The following RFC4 variants were observed in gnomAD, a reference collection of about 807,000 sequenced individuals.
RFC4 encodes the protein replication factor C subunit 4, also known as A1 37 kDa subunit.
A neutral mutation model predicts 47.6 loss-of-function variants in RFC4; 38 were observed. The ratio of observed to expected loss-of-function variants is 0.80; its 90% confidence interval spans 0.62 to 1.05. RFC4 has a LOEUF of 1.05. Among genes scored for constraint, RFC4 ranks in the 50% least tolerant of loss-of-function variants. The pLI, the probability that RFC4 is intolerant of heterozygous loss-of-function variation, is 0.00. For missense variants in RFC4, 489 were observed against 434.0 expected (o/e 1.13, Z -1.13); for synonymous variants, 164 against 150.0 (o/e 1.09, Z -0.68).
intron 8 of RFC4, among the ~76,000 whole-genome samples, chr3:186,790,749 T>G (rs1722097156): frequency 6.6e-6 from 1 of 152,232 alleles, no homozygotes; most frequent in Non-Finnish European, 1.5e-5. Flanking sequence ...TCAAAAAGAC[T>G]GATTTCTTTA....
intron 8 of RFC4, 74 bp from the exon 9 acceptor site, chr3:186,790,480 G>T: frequency 9.8e-7 from 1 of 1,022,250 alleles, no homozygotes; most frequent in Non-Finnish European, 1.6e-6. Context: ...ACTGGCCCCC[G>T]TGCCCCCAGT....
chr3:186,804,333 C>T (rs1722428171), intron 2 of RFC4, among the ~76,000 whole-genome samples: 1 of 152,034 alleles, frequency 6.6e-6, no homozygotes, highest in African/African-American at 2.4e-5. Context: ...TGTATCCCAG[C>T]CCCTAAAATG....
At chr3:186,792,350 T>G in intron 7 of RFC4, 140 bp downstream of exon 7, 2 of 673,962 alleles carry the variant, frequency 3.0e-6, no homozygotes, top group Non-Finnish European at 5.0e-6. Flanking sequence ...CACATTTCAA[T>G]TGTTGCCCCT....
At chr3:186,791,978 T>A (rs1722151001) in intron 7 of RFC4, 128 bp from the exon 8 acceptor site, 5 of 785,188 alleles carry the variant, frequency 6.4e-6, no homozygotes, top group Non-Finnish European at 7.9e-6. Context: ...AACATTTCTG[T>A]TTTGGGAGAA....
intron 7 of RFC4, 73 bp downstream of exon 7, chr3:186,792,417 T>A (rs1722159725): frequency 1.5e-6 from 2 of 1,378,846 alleles, no homozygotes; most frequent in South Asian, 1.2e-5. Context: ...CACATTTAAA[T>A]CTTTCAGGGC....
chr3:186,791,068 TAATA>T (rs1722116065), intron 8 of RFC4, among the ~76,000 whole-genome samples: 1 of 149,474 alleles, frequency 6.7e-6, no homozygotes, highest in Non-Finnish European at 1.5e-5. Flanking sequence ...CCATTCTCTT[TAATA>T]AATGATTACT....
Position 186,796,091 on chromosome 3 carries a change from T to C in RFC4, c.291-1314A>G, listed in dbSNP as rs956699212. 6.6e-6 allele frequency among the ~76,000 whole-genome samples: 1 copy of C among 152,078 alleles called. No homozygotes were observed. Among genetic ancestry groups the C allele is most frequent in the African/African-American group, 2.4e-5 (1 of 41,408 alleles). On this transcript the variant is annotated intron_variant, in intron 4 of 10. Transcript: ENST00000296273. This position sits in a 1 kb window ranked among gnomAD's most constrained non-coding sequence, Gnocchi z 4.2. ...AAACAAGAGTTGTGATTTAGTTTCATCTCTATTTTTCCTAATCAGCATGGT... is the reference window on the plus strand; with the variant it reads ...AAACAAGAGTTGTGATTTAGTTTCACCTCTATTTTTCCTAATCAGCATGGT...
chr3:186,791,433 G>A (rs1356121544), intron 8 of RFC4: 2 of 351,934 alleles, frequency 5.7e-6, no homozygotes, highest in South Asian at 4.9e-5. Flanking sequence ...TTGCGTCACT[G>A]CACTCCAGCC....
In RFC4 at chr3:186,790,070, A is replaced by AGGG; in HGVS notation, c.997-7_997-6insCCC. 1 of 1,612,688 alleles carries AGGG rather than the reference A, an allele frequency of 6.2e-7. No individual in the cohort carries two copies. Among genetic ancestry groups the AGGG allele is most frequent in the South Asian group, 1.1e-5 (1 of 90,974 alleles). ...GCTAGGCATTTGTCAACTTCCTACGAGAAAAATTTAAGAAATTAGCATCCT... is the reference window on the plus strand; with the variant it reads ...GCTAGGCATTTGTCAACTTCCTACGAGGGGAAAAATTTAAGAAATTAGCATCCT... On this transcript the variant is annotated splice_polypyrimidine_tract_variant and splice_region_variant and intron_variant, in intron 10 of 10. Transcript: ENST00000296273.
rs538073243 is a variant in RFC4, at chr3:186,793,297, A to G, written c.411-350T>C. Among the ~76,000 whole-genome samples the G allele has an allele frequency of 8.5e-5, 13 of 152,298 alleles. No homozygotes were observed. The East Asian group carries it at 1.7e-3, about 20-fold the overall frequency. On this transcript the variant is annotated intron_variant, in intron 5 of 10. Transcript: ENST00000296273. The surrounding 1 kb of genome is among the most constrained non-coding windows in gnomAD (Gnocchi z 4.2). ...TTGTGGCTGACTTCTTCCACTTAAC[A>G]TATTTTAAAGGTTCATCCATATTGT... is the stretch of plus-strand genomic sequence containing the variant.
In RFC4 at chr3:186,792,609, T is replaced by C. The variant is rs1040657436; in HGVS notation, c.556A>G (p.Ile186Val). The C allele has an allele frequency of 6.2e-7, 1 of 1,610,960 alleles. No homozygotes were observed. Among genetic ancestry groups the C allele is most frequent in the Non-Finnish European group, 8.5e-7 (1 of 1,178,672 alleles). The change falls in exon 7 of 11, where the codon ATA (isoleucine) becomes GTA (valine). Residue 186 changes from isoleucine to valine, a missense_variant and splice_region_variant. Physicochemically the swap from Ile to Val is conservative, Grantham distance 29. Coordinates refer to ENST00000296273, the MANE Select transcript of RFC4 (RefSeq NM_002916.5). ...FCLICNYVSRIIEPLTSRCSK... is the reference protein window; with the variant it reads ...FCLICNYVSRVIEPLTSRCSK... ...CATCTAGAGGTCAGGGGTTCAATTATTCTGTGGAAGATGAGAAAAACCAAG... is the reference window on the plus strand; with the variant it reads ...CATCTAGAGGTCAGGGGTTCAATTACTCTGTGGAAGATGAGAAAAACCAAG...
At chr3:186,804,818 TTATGA>T in intron 1 of RFC4, 94 bp from the exon 2 acceptor site, 1 of 1,240,600 alleles carries the variant, frequency 8.1e-7, no homozygotes, top group Non-Finnish European at 1.1e-6. Context: ...TGGGGAACCA[TTATGA>T]GAAAGTACAG....
chr3:186,794,822 C>G, intron 4 of RFC4, 45 bp from the exon 5 acceptor site: 1 of 1,604,644 alleles, frequency 6.2e-7, no homozygotes, highest in Non-Finnish European at 8.5e-7. Flanking sequence ...CACAAGTAGG[C>G]TTAAATCACA....
At chr3:186,794,025 G>A (rs918573874) in intron 5 of RFC4, among the ~76,000 whole-genome samples, 1 of 151,966 alleles carries the variant, frequency 6.6e-6, no homozygotes, top group African/African-American at 2.4e-5. Flanking sequence ...CCCGGCCTTT[G>A]CCCATTTTTT....
intron 8 of RFC4, among the ~76,000 whole-genome samples, chr3:186,791,032 G>A (rs1722114435): frequency 6.6e-6 from 1 of 152,162 alleles, no homozygotes; most frequent in African/African-American, 2.4e-5. Flanking sequence ...TTTTACATGG[G>A]AGTATCCAAA....
At position 186,790,250 on chromosome 3, in the gene RFC4, T is replaced by C; in HGVS notation, c.888A>G (p.Leu296=). 2 of 1,612,816 alleles carry C rather than the reference T, an allele frequency of 1.2e-6. No individual in the cohort carries two copies. The highest frequency in any genetic ancestry group is 1.7e-6 in the Non-Finnish European group (2 of 1,178,966). ...GAGTTGCTGCATGACCCTCATCTATTAAATCCTATAATAAAAAAAACTTTT... is the reference window on the plus strand; with the variant it reads ...GAGTTGCTGCATGACCCTCATCTATCAAATCCTATAATAAAAAAAACTTTT... ...FDKLEAVVKD[L]IDEGHAATQL... The change falls in exon 10 of 11, where the codon TTA becomes TTG. Residue 296 remains leucine, a synonymous_variant. Transcript: ENST00000296273.
chr3:186,789,910 C>A lies in RFC4; in HGVS notation c.*59G>T. The A allele has an allele frequency of 1.8e-6, 2 of 1,096,396 alleles. No individual in the cohort carries two copies. The highest frequency in any genetic ancestry group is 2.7e-6 in the Non-Finnish European group (2 of 735,720). 67.9% of individuals were successfully genotyped at this position (1,096,396 alleles called of 1,614,324 possible). On this transcript the variant is annotated 3_prime_UTR_variant, in exon 11 of 11. Transcript: ENST00000296273. The stretch of plus-strand genomic sequence containing the variant: ...TATTCACTTTAAAGGTGCTTTTGGT[C>A]ATTTTATTTTTATTACAACTTCATT...
At chr3:186,803,986 G>A (rs1449564814) in intron 2 of RFC4, among the ~76,000 whole-genome samples, 14 of 151,868 alleles carry the variant, frequency 9.2e-5, no homozygotes, top group Admixed American at 4.6e-4. Context: ...GTTTGCGATC[G>A]ACCTGACCAA....
At chr3:186,802,217 G>C (rs1006014599) in intron 2 of RFC4, among the ~76,000 whole-genome samples, 3 of 151,808 alleles carry the variant, frequency 2.0e-5, no homozygotes, top group Non-Finnish European at 4.4e-5. Flanking sequence ...TTAGGTGGGC[G>C]TGGTGGCACA....
Sources: gnomAD v4.1 joint callset for allele counts (sites outside exome capture counted in the v4.1 genomes callset) on GRCh38, gnomAD v4.1.1 for gene constraint, Gnocchi (gnomAD v3.1) non-coding constraint, MANE v1.5 for transcripts, NCBI Gene and HGNC (gene_info 2026-07-23, HGNC 2026-07-21) for gene names.